PRMT3: variants seen among roughly 807,000 people sequenced by gnomAD.
The protein encoded by PRMT3 is protein arginine methyltransferase 3.
In PRMT3, 62 loss-of-function variants were observed where a neutral mutation model predicts 71.9. That is an observed-to-expected ratio of 0.86 (90% CI 0.70 to 1.07). The LOEUF is 1.07. Ranked by LOEUF, PRMT3 falls within the 50% of genes least tolerant of loss-of-function variation. PRMT3 has a pLI of 0.00. For missense variants in PRMT3, 663 were observed against 643.0 expected (o/e 1.03, Z -0.34); for synonymous variants, 213 against 220.4 (o/e 0.97, Z 0.30).
In PRMT3 at chr11:20,477,873, A is replaced by G. The variant is rs527259331; in HGVS notation, c.1347+13327A>G. ...TCCACTCCAATAAGTAACGTGAGGG[A>G]GAATTGGTTTGAAGAGAGGACCAAC... is the stretch of plus-strand genomic sequence containing the variant. On this transcript the variant is annotated intron_variant, in intron 13 of 15. Transcript: ENST00000331079. 8.6e-5 allele frequency among the ~76,000 whole-genome samples: 12 copies of G among 138,960 alleles called. No homozygotes were observed. In the East Asian group the frequency reaches 3.0e-3, roughly 35 times the overall value. 91.2% of individuals were successfully genotyped at this position (138,960 alleles called of 152,430 possible). A position where few individuals can be genotyped will look rare whatever the true frequency, so the allele number is the denominator to read the frequency against.
intron 13 of PRMT3, among the ~76,000 whole-genome samples, chr11:20,490,255 T>A (rs999758092): frequency 1.5e-4 from 23 of 152,144 alleles, no homozygotes; most frequent in African/African-American, 5.1e-4. Flanking sequence ...AATGTGACTG[T>A]GCTTGAAGAC....
intron 13 of PRMT3, among the ~76,000 whole-genome samples, chr11:20,482,829 GTCAAAAATTT>G (rs1850973211): frequency 6.8e-4 from 1 of 1,476 alleles, no homozygotes; most frequent in Non-Finnish European, 3.1e-3. Flanking sequence ...GACAAGTCAA[GTCAAAAATTT>G]GGAAAGACAA....
chr11:20,429,704 G>C (rs1170654986), intron 10 of PRMT3, among the ~76,000 whole-genome samples: 1 of 152,174 alleles, frequency 6.6e-6, no homozygotes, highest in East Asian at 1.9e-4. Context: ...GCCTTTCCTT[G>C]TTTTAAGTGA....
rs184873754 is a variant in PRMT3, at chr11:20,480,905, C to T, written c.1348-13014C>T. 1.0e-3 allele frequency among the ~76,000 whole-genome samples: 153 copies of T among 152,184 alleles called. 1 individual carries two copies. Among genetic ancestry groups the T allele is most frequent in the African/African-American group, 3.6e-3 (150 of 41,528 alleles). On this transcript the variant is annotated intron_variant, in intron 13 of 15. Coordinates refer to ENST00000331079, the MANE Select transcript of PRMT3 (RefSeq NM_005788.4). ...AGGATCAGATGCTCAATTATTAGTA[C>T]GTTGAATTTCATACCTTTGAGTTAT...
In PRMT3 at chr11:20,452,170, T is replaced by G; in HGVS notation, c.1034T>G (p.Leu345Arg). The change falls in exon 11 of 16, where the codon CTT becomes CGT. Residue 345 changes from leucine to arginine, a missense_variant. Transcript: ENST00000331079. ...TTTGAGTCTATGTTAGATTCTGTCC[T>G]TTATGCAAAGAACAAATACTTGGCA... ...LLFESMLDSV[L>R]YAKNKYLAKG... The G allele has an allele frequency of 6.2e-7, 1 of 1,611,084 alleles. No individual in the cohort carries two copies. Among genetic ancestry groups the G allele is most frequent in the Non-Finnish European group, 8.5e-7 (1 of 1,177,642 alleles).
chr11:20,387,804 T>C lies in PRMT3; in HGVS notation c.28+30T>C, dbSNP rs112170747. On this transcript the variant is annotated intron_variant, in intron 1 of 15. Transcript: ENST00000331079. The surrounding 1 kb of genome is among the most constrained non-coding windows in gnomAD (Gnocchi z 4.3). ...GTACCCTGGCCCCTCAGCACCCGGC[T>C]CGTCCAGCCCCAGGCCGCGCCGCTG... The C allele has an allele frequency of 6.7e-5, 104 of 1,541,256 alleles. 2 individuals are homozygous for C. The African/African-American group carries it at 1.1e-3, about 16-fold the overall frequency.
intron 8 of PRMT3, among the ~76,000 whole-genome samples, chr11:20,404,763 G>A (rs1849035426): frequency 6.6e-6 from 1 of 152,148 alleles, no homozygotes. Context: ...ATACTTTTGG[G>A]CAAGTGGTGA....
At chr11:20,441,261 CTTTTTATT>C (rs1266875747) in intron 10 of PRMT3, among the ~76,000 whole-genome samples, 33 of 141,046 alleles carry the variant, frequency 2.3e-4, no homozygotes, top group Non-Finnish European at 3.0e-4. Flanking sequence ...ATGTTACTAA[CTTTTTATT>C]TATTTATTTA....
rs1850883836 is a variant in PRMT3, at chr11:20,479,687, C to CT, written c.1348-14231dup. 9.2e-5 allele frequency among the ~76,000 whole-genome samples: 14 copies of CT among 152,170 alleles called. No homozygotes were observed. In the South Asian group the frequency reaches 2.9e-3, roughly 32 times the overall value. On this transcript the variant is annotated intron_variant, in intron 13 of 15. Transcript: ENST00000331079. Reference sequence around the variant, plus strand: ...TTTTGATAGTATTTTTTTAAAGAATCTCACAACAATAAGAAACGCCTAAGA... The same window carrying CT: ...TTTTGATAGTATTTTTTTAAAGAATCTTCACAACAATAAGAAACGCCTAAGA...
chr11:20,453,742 G>T (rs1304141117), intron 11 of PRMT3, among the ~76,000 whole-genome samples: 1 of 151,740 alleles, frequency 6.6e-6, no homozygotes, highest in African/African-American at 2.4e-5. Flanking sequence ...TTTTTTTAAT[G>T]ACTACTCCAG....
At chr11:20,446,102 G>C (rs550339515) in intron 10 of PRMT3, among the ~76,000 whole-genome samples, 1 of 152,088 alleles carries the variant, frequency 6.6e-6, no homozygotes, top group Admixed American at 6.6e-5. Context: ...ATTAGGAGTA[G>C]AGTTGCTAGA....
chr11:20,397,190 C>T (rs559986623), intron 6 of PRMT3, among the ~76,000 whole-genome samples: 3 of 151,936 alleles, frequency 2.0e-5, no homozygotes, highest in Admixed American at 6.6e-5. Flanking sequence ...CATAATACTC[C>T]CAAGAAATAA....
chr11:20,465,326 T>C (rs1245004768), intron 13 of PRMT3, among the ~76,000 whole-genome samples: 1 of 151,996 alleles, frequency 6.6e-6, no homozygotes, highest in African/African-American at 2.4e-5. Context: ...CTGCTCCTTA[T>C]AGTATGAGTT....
chr11:20,449,855 T>G (rs1850110261), intron 10 of PRMT3, among the ~76,000 whole-genome samples: 2 of 152,256 alleles, frequency 1.3e-5, no homozygotes, highest in South Asian at 4.1e-4. Flanking sequence ...CAGACACATT[T>G]TCAGCCTTCA....
intron 10 of PRMT3, among the ~76,000 whole-genome samples, chr11:20,447,080 A>C (rs1324327497): frequency 2.0e-5 from 3 of 152,204 alleles, no homozygotes; most frequent in African/African-American, 7.2e-5. Context: ...TTTGCAGTAA[A>C]AGTGTTTAAT....
At chr11:20,427,081 C>G (rs532947899) in intron 10 of PRMT3, among the ~76,000 whole-genome samples, 5 of 152,164 alleles carry the variant, frequency 3.3e-5, no homozygotes, top group African/African-American at 1.2e-4. Context: ...ATTGGCTATT[C>G]ATAATCTTTA....
At chr11:20,401,496 T>A (rs947261327) in intron 7 of PRMT3, among the ~76,000 whole-genome samples, 1 of 152,184 alleles carries the variant, frequency 6.6e-6, no homozygotes, top group Non-Finnish European at 1.5e-5. Flanking sequence ...TTTTTAGGTC[T>A]AGTACTTAAG....
chr11:20,505,893 G>A (rs1346177949), intron 15 of PRMT3, among the ~76,000 whole-genome samples: 1 of 150,894 alleles, frequency 6.6e-6, no homozygotes, highest in Non-Finnish European at 1.5e-5. Context: ...CCCACGGGGC[G>A]GTAAAATTTA....
intron 10 of PRMT3, among the ~76,000 whole-genome samples, chr11:20,429,749 T>G (rs1007709077): frequency 6.6e-6 from 1 of 152,222 alleles, no homozygotes; most frequent in African/African-American, 2.4e-5. Flanking sequence ...GTGCTCTAGG[T>G]GGGGCATTGG....
Sources: allele counts gnomAD v4.1 joint callset (sites outside exome capture counted in the v4.1 genomes callset), GRCh38; gene constraint gnomAD v4.1.1; non-coding constraint Gnocchi (gnomAD v3.1); transcripts MANE v1.5; gene names NCBI Gene and HGNC (gene_info 2026-07-23, HGNC 2026-07-21).